Variants in KCNIP4 observed in about 807,000 individuals in gnomAD.
KCNIP4 encodes Kv channel-interacting protein 4.
A neutral mutation model predicts 34.0 loss-of-function variants in KCNIP4; 12 were observed. That is an observed-to-expected ratio of 0.35 (90% CI 0.23 to 0.57). The LOEUF (loss-of-function observed/expected upper bound fraction) is 0.57. Among genes scored for constraint, KCNIP4 ranks in the 20% least tolerant of loss-of-function variants. The pLI, the probability that KCNIP4 is intolerant of heterozygous loss-of-function variation, is 0.83. For missense variants in KCNIP4, 238 were observed against 311.7 expected, an observed-to-expected ratio of 0.76 and a Z score of 1.78; for synonymous variants, 124 against 102.2, an observed-to-expected ratio of 1.21 and a Z score of -1.29.
At chr4:21,309,369 G>C (rs1451326422) in intron 1 of KCNIP4, among the ~76,000 whole-genome samples, 2 of 150,496 alleles carry the variant, frequency 1.3e-5, no homozygotes, top group Non-Finnish European at 2.9e-5. Flanking sequence ...AAGCCAGTAT[G>C]AGTAATAAAA....
At chr4:20,867,374 G>A (rs1017119144) in intron 2 of KCNIP4, among the ~76,000 whole-genome samples, 6 of 151,782 alleles carry the variant, frequency 4.0e-5, no homozygotes, top group African/African-American at 1.5e-4. Flanking sequence ...AAAGTCACAC[G>A]CCTACCACCG....
chr4:21,528,768 AAAG>A (rs1736332511), intron 1 of KCNIP4, among the ~76,000 whole-genome samples: 1 of 10,036 alleles, frequency 1.0e-4, no homozygotes, highest in Non-Finnish European at 1.9e-4. Context: ...AGAAAGAAAG[AAAG>A]AAAGAAAGGA....
intron 1 of KCNIP4, among the ~76,000 whole-genome samples, chr4:21,807,619 T>G (rs1250719432): frequency 6.6e-6 from 1 of 152,222 alleles, no homozygotes; most frequent in African/African-American, 2.4e-5. Context: ...AACCTGTGGC[T>G]TAAGGTTGAT....
At chr4:20,881,580 T>C (rs1040645363) in intron 2 of KCNIP4, among the ~76,000 whole-genome samples, 1 of 152,204 alleles carries the variant, frequency 6.6e-6, no homozygotes, top group African/African-American at 2.4e-5. Context: ...TTCTAAGTTA[T>C]ATAGCATCTT....
At chr4:20,844,056 A>G (rs1379982113) in intron 3 of KCNIP4, among the ~76,000 whole-genome samples, 1 of 152,128 alleles carries the variant, frequency 6.6e-6, no homozygotes, top group East Asian at 1.9e-4. Context: ...TAAGTAAAAC[A>G]TTTCTCATTT....
rs73805043 is a variant in KCNIP4 at position 21,176,866 on chromosome 4, C to T, written c.62-294157G>A. Among the ~76,000 whole-genome samples, 744 of 152,312 alleles carry T rather than the reference C, an allele frequency of 4.9e-3. 3 individuals carry two copies. Among genetic ancestry groups the T allele is most frequent in the African/African-American group, 0.016 (645 of 41,564 alleles). ...CCTTCCTAGGACATCAAAACAAATC[C>T]AGCACACCTGTCTTTTCCTCAGAGC... On this transcript the variant is annotated intron_variant, in intron 1 of 8. Transcript: ENST00000382152.
chr4:21,834,712 T>G (rs2109310581), intron 1 of KCNIP4, among the ~76,000 whole-genome samples: 1 of 151,962 alleles, frequency 6.6e-6, no homozygotes, highest in Non-Finnish European at 1.5e-5. Context: ...CCATTCAGTA[T>G]GATATTGGCT....
chr4:21,697,456 C>T (rs544663530), intron 1 of KCNIP4: 1 of 1,542,170 alleles, frequency 6.5e-7, no homozygotes, highest in South Asian at 1.3e-5. Context: ...ACAAGGTATT[C>T]CTCTGAGGAG....
intron 1 of KCNIP4, among the ~76,000 whole-genome samples, chr4:21,284,997 C>T (rs1763026418): frequency 6.6e-6 from 1 of 152,102 alleles, no homozygotes; most frequent in Non-Finnish European, 1.5e-5. Flanking sequence ...ATGCCTATAT[C>T]AGTGCCTTTA....
At chr4:20,916,288 A>T in intron 1 of KCNIP4, 1 of 983,876 alleles carries the variant, frequency 1.0e-6, no homozygotes. Context: ...TTTCCTGCCC[A>T]CGTAACCTCA....
intron 1 of KCNIP4, among the ~76,000 whole-genome samples, chr4:21,794,957 T>A (rs1317625448): frequency 6.6e-6 from 1 of 152,072 alleles, no homozygotes; most frequent in Admixed American, 6.6e-5. Context: ...GTTCCCTTCG[T>A]CTCTCCAGCC....
intron 1 of KCNIP4, among the ~76,000 whole-genome samples, chr4:21,823,688 A>G (rs1376166986): frequency 6.6e-6 from 1 of 152,174 alleles, no homozygotes; most frequent in Non-Finnish European, 1.5e-5. Flanking sequence ...TACACATCCC[A>G]AAATGTGAGA....
intron 1 of KCNIP4, among the ~76,000 whole-genome samples, chr4:21,060,929 ATGT>A (rs1388344667): frequency 2.6e-5 from 4 of 152,186 alleles, no homozygotes; most frequent in Non-Finnish European, 5.9e-5. Context: ...GAATGTGAAA[ATGT>A]TGTACGGAAA....
chr4:21,257,077 T>G (rs185680960), intron 1 of KCNIP4, among the ~76,000 whole-genome samples: 333 of 152,304 alleles, frequency 2.2e-3, no homozygotes, highest in South Asian at 3.9e-3. Context: ...TTTGTTGAAT[T>G]AAAGAATGAA....
intron 1 of KCNIP4, among the ~76,000 whole-genome samples, chr4:21,717,644 T>C (rs1382189429): frequency 1.3e-5 from 2 of 152,184 alleles, no homozygotes; most frequent in African/African-American, 4.8e-5. Flanking sequence ...TTCTTAATTT[T>C]ACTCTTGATT....
chr4:21,837,138 C>T (rs67289480), intron 1 of KCNIP4, among the ~76,000 whole-genome samples: 53,826 of 149,030 alleles, frequency 0.36, 11,089 homozygotes, highest in East Asian at 0.64. Flanking sequence ...AGGATGGTCT[C>T]GATCTCCTGA....
intron 1 of KCNIP4, among the ~76,000 whole-genome samples, chr4:21,320,961 T>A (rs1714319808): frequency 1.3e-5 from 1 of 75,470 alleles, no homozygotes; most frequent in Non-Finnish European, 2.3e-5. Context: ...CAAGAATCTG[T>A]CTTAAAAAAA....
chr4:21,131,819 A>C (rs1751094286), intron 1 of KCNIP4, among the ~76,000 whole-genome samples: 1 of 152,238 alleles, frequency 6.6e-6, no homozygotes, highest in Non-Finnish European at 1.5e-5. Context: ...TGAAAAGTTA[A>C]TACTTTGGTA....
intron 1 of KCNIP4, among the ~76,000 whole-genome samples, chr4:21,158,433 GTA>G (rs1475619576): frequency 2.0e-5 from 3 of 152,150 alleles, no homozygotes; most frequent in African/African-American, 7.2e-5. Context: ...ATCTAACAGT[GTA>G]TAAAATGATA....
Sources: allele counts gnomAD v4.1 joint callset (sites outside exome capture counted in the v4.1 genomes callset), GRCh38; gene constraint gnomAD v4.1.1; transcripts MANE v1.5; gene names NCBI Gene and HGNC (gene_info 2026-07-23, HGNC 2026-07-21).